PLEKHG5: variants seen among roughly 807,000 people sequenced by gnomAD.
PLEKHG5 encodes pleckstrin homology and RhoGEF domain containing G5, also known as pleckstrin homology domain-containing family G member 5.
Under a neutral mutation model 103.8 loss-of-function variants are expected in PLEKHG5, and 52 were observed. The ratio of observed to expected loss-of-function variants is 0.50; its 90% CI spans 0.40 to 0.63. PLEKHG5 has a LOEUF of 0.63. PLEKHG5 is among the 30% of genes least tolerant of loss of function. The pLI is 0.00. For missense variants in PLEKHG5, 1,205 were observed against 1,347.6 expected, an observed-to-expected ratio of 0.89 and a Z score of 1.66; for synonymous variants, 592 against 575.5, an observed-to-expected ratio of 1.03 and a Z score of -0.41.
At chr1:6,485,313 C>T (rs1406845428) in intron 1 of PLEKHG5, 8 of 1,399,644 alleles carry the variant, frequency 5.7e-6, no homozygotes, top group South Asian at 1.5e-5. Flanking sequence ...CGCCCCGTCC[C>T]GGCCCCGTAC....
intron 1 of PLEKHG5, among the ~76,000 whole-genome samples, chr1:6,478,670 G>A (rs1011394786): frequency 2.0e-5 from 3 of 152,036 alleles, no homozygotes; most frequent in African/African-American, 7.2e-5. Context: ...CTGAGAAGGG[G>A]TCTCGCTCTG....
At chr1:6,501,250 G>A (rs922666643), upstream of PLEKHG5, among the ~76,000 whole-genome samples, 3 of 151,988 alleles carry the variant, frequency 2.0e-5, no homozygotes, top group Admixed American at 6.6e-5. The surrounding 1 kb of genome is among the most constrained non-coding windows in gnomAD (Gnocchi z 4.3). Flanking sequence ...GCTACTTGCC[G>A]GACACAACTG....
At chr1:6,508,301 G>A (rs748767230) in intron 1 of PLEKHG5, among the ~76,000 whole-genome samples, 7 of 152,202 alleles carry the variant, frequency 4.6e-5, no homozygotes, top group African/African-American at 7.2e-5. Context: ...ACCACACGGA[G>A]CATCATCTTC....
At chr1:6,483,863 GC>G (rs1344152849) in intron 1 of PLEKHG5, among the ~76,000 whole-genome samples, 1 of 152,210 alleles carries the variant, frequency 6.6e-6, no homozygotes, top group East Asian at 1.9e-4. Flanking sequence ...CTTCCTGGGA[GC>G]CCCCCGTCTG....
chr1:6,516,160 T>A (rs1009687636), intron 1 of PLEKHG5, among the ~76,000 whole-genome samples: 2 of 152,146 alleles, frequency 1.3e-5, no homozygotes, highest in Non-Finnish European at 2.9e-5. Context: ...CTGGGCTTCG[T>A]GGCACACACC....
chr1:6,475,479 T>C lies in PLEKHG5; in HGVS notation c.193A>G (p.Arg65Gly), dbSNP rs779883622. Residue 65 changes from arginine to glycine, a missense_variant, in exon 4 of 21, where the codon AGG (arginine) becomes GGG (glycine). By Grantham distance (125) the Arg-to-Gly change is moderately radical. Transcript: ENST00000377728. ...CTCCTCACATCCGTGTGTCTCCTCCTTGCTTTCTTCTTGGAGAGTTTCAGG... is the reference window on the plus strand; with the variant it reads ...CTCCTCACATCCGTGTGTCTCCTCCCTGCTTTCTTCTTGGAGAGTTTCAGG... ...TGLKLSKKKARRRHTDDPSKE... is the reference protein window; with the variant it reads ...TGLKLSKKKAGRRHTDDPSKE... 1 of 1,613,408 alleles carries C rather than the reference T, an allele frequency of 6.2e-7. No homozygotes were observed. Among genetic ancestry groups the C allele is most frequent in the South Asian group, 1.1e-5 (1 of 91,062 alleles).
chr1:6,474,903 C>A, intron 5 of PLEKHG5, 144 bp downstream of exon 5: 1 of 762,006 alleles, frequency 1.3e-6, no homozygotes, highest in Middle Eastern at 3.6e-4. Flanking sequence ...TGCACACCAG[C>A]ACGGGTCTGC....
Position 6,468,028 on chromosome 1 carries a change from G to C in PLEKHG5, c.2808C>G (p.Gly936=). ...SWDCRGAPSP[G]SGPGLVGCLA... Reference sequence around the variant, plus strand: ...GGCAGCCGACTAGCCCAGGACCGCTGCCAGGGCTAGGGGCCCCTCGGCAAT... The same window carrying C: ...GGCAGCCGACTAGCCCAGGACCGCTCCCAGGGCTAGGGGCCCCTCGGCAAT... The change falls in exon 20 of 21, where the codon GGC becomes GGG. Residue 936 remains glycine, a synonymous_variant. Transcript: ENST00000377728. 6.4e-7 allele frequency: 1 copy of C among 1,554,822 alleles called. No individual in the cohort carries two copies. The highest frequency in any genetic ancestry group is 1.2e-5 in the South Asian group (1 of 85,472).
In PLEKHG5 at chr1:6,467,379, T is replaced by G. The variant is rs1016178075; in HGVS notation, c.*184A>C. Reference sequence around the variant, plus strand: ...GGGCAGGTGGGGTGGTACTGTGGCCTGGGCCTCCTCCACTCCATCCAGTCC... The same window carrying G: ...GGGCAGGTGGGGTGGTACTGTGGCCGGGGCCTCCTCCACTCCATCCAGTCC... On this transcript the variant is annotated 3_prime_UTR_variant, in exon 21 of 21. Transcript: ENST00000377728. The G allele has an allele frequency of 7.7e-5, 58 of 750,170 alleles. No individual in the cohort carries two copies. Among genetic ancestry groups the G allele is most frequent in the Non-Finnish European group, 1.3e-4 (53 of 415,384 alleles). 46.5% of individuals were successfully genotyped at this position (750,170 alleles called of 1,614,324 possible). A position where few individuals can be genotyped will look rare whatever the true frequency, so the allele number is the denominator to read the frequency against.
rs1645066968 is a variant in PLEKHG5 at position 6,487,673 on chromosome 1, A to G, written c.-88+3964T>C. On this transcript the variant is annotated intron_variant, in intron 1 of 20. Transcript: ENST00000377728. This position sits in a 1 kb window ranked among gnomAD's most constrained non-coding sequence, Gnocchi z 4.1. The stretch of plus-strand genomic sequence containing the variant: ...CTAAGACGTCCTTTTCCCTCATCTT[A>G]AAATAAACCACCCTTACCCTCCCAC... 6.6e-6 allele frequency among the ~76,000 whole-genome samples: 1 copy of G among 152,162 alleles called. No homozygotes were observed. Among genetic ancestry groups the G allele is most frequent in the Non-Finnish European group, 1.5e-5 (1 of 68,020 alleles).
intron 1 of PLEKHG5, among the ~76,000 whole-genome samples, chr1:6,488,838 G>C (rs1645089604): frequency 1.3e-5 from 2 of 152,150 alleles, no homozygotes; most frequent in Non-Finnish European, 2.9e-5. Context: ...TGTTGAAACT[G>C]ATACCCAGAA....
chr1:6,514,536 G>A (rs1249114810), intron 1 of PLEKHG5, among the ~76,000 whole-genome samples: 1 of 152,016 alleles, frequency 6.6e-6, no homozygotes, highest in Non-Finnish European at 1.5e-5. Flanking sequence ...GCTGAGGCAG[G>A]CAGATCACGA....
chr1:6,479,538 G>A (rs890504348), intron 1 of PLEKHG5, among the ~76,000 whole-genome samples: 6 of 151,886 alleles, frequency 4.0e-5, no homozygotes, highest in African/African-American at 1.5e-4. Flanking sequence ...CGCCCACCTC[G>A]GCCTCCCAAA....
chr1:6,494,461 C>T (rs116784088), upstream of PLEKHG5, among the ~76,000 whole-genome samples: 385 of 151,652 alleles, frequency 2.5e-3, 2 homozygotes, highest in African/African-American at 8.3e-3. Flanking sequence ...GAGAGGTCTC[C>T]CTATATTGCC....
chr1:6,468,256 G>A lies in PLEKHG5; in HGVS notation c.2580C>T (p.Arg860=). The A allele has an allele frequency of 6.2e-7, 1 of 1,603,832 alleles. No homozygotes were observed. Among genetic ancestry groups the A allele is most frequent in the Non-Finnish European group, 8.5e-7 (1 of 1,173,368 alleles). ...PSPPPSPRLR[R]RTPVQLLSCP... ...AGCTCAACAGCTGGACAGGGGTGCGGCGGCGGAGACGGGGCGAGGGTGGAG... is the reference window on the plus strand; with the variant it reads ...AGCTCAACAGCTGGACAGGGGTGCGACGGCGGAGACGGGGCGAGGGTGGAG... The change falls in exon 20 of 21, where the codon CGC becomes CGT. Residue 860 remains arginine, a synonymous_variant. Transcript: ENST00000377728.
Position 6,467,368 on chromosome 1 carries a change from G to T in PLEKHG5, c.*195C>A, listed in dbSNP as rs1569822324. 1 of 725,054 alleles carries T rather than the reference G, an allele frequency of 1.4e-6. No individual in the cohort carries two copies. Among genetic ancestry groups the T allele is most frequent in the Non-Finnish European group, 2.5e-6 (1 of 398,762 alleles). 44.9% of individuals were successfully genotyped at this position (725,054 alleles called of 1,614,324 possible). ...AGGGGCTGCCTGGGCAGGTGGGGTG[G>T]TACTGTGGCCTGGGCCTCCTCCACT... is the stretch of plus-strand genomic sequence containing the variant. On this transcript the variant is annotated 3_prime_UTR_variant, in exon 21 of 21. Transcript: ENST00000377728.
intron 1 of PLEKHG5, among the ~76,000 whole-genome samples, chr1:6,481,172 T>C (rs2148605286): frequency 6.6e-6 from 1 of 152,280 alleles, no homozygotes; most frequent in African/African-American, 2.4e-5. Flanking sequence ...GAGTGGGCCC[T>C]GTTCAAAGAG....
At chr1:6,498,708 C>T (rs1310329072), upstream of PLEKHG5, among the ~76,000 whole-genome samples, 1 of 152,210 alleles carries the variant, frequency 6.6e-6, no homozygotes, top group Non-Finnish European at 1.5e-5. Context: ...GCCCGGGGCC[C>T]TGGGCCTCCT....
intron 1 of PLEKHG5, among the ~76,000 whole-genome samples, chr1:6,507,047 G>A (rs907037975): frequency 7.9e-5 from 12 of 152,212 alleles, no homozygotes; most frequent in African/African-American, 2.4e-4. Context: ...AAGAAAAAGC[G>A]AGCGGACAGG....
Sources: allele counts gnomAD v4.1 joint callset (sites outside exome capture counted in the v4.1 genomes callset), GRCh38; gene constraint gnomAD v4.1.1; non-coding constraint Gnocchi (gnomAD v3.1); transcripts MANE v1.5; gene names NCBI Gene and HGNC (gene_info 2026-07-23, HGNC 2026-07-21).